GRIN2B: variants seen among roughly 807,000 people sequenced by gnomAD.
GRIN2B encodes the protein glutamate ionotropic receptor NMDA type subunit 2B, also known as glutamate receptor ionotropic, NMDA 2B.
A neutral mutation model predicts 114.5 loss-of-function variants in GRIN2B; 5 were observed. The observed-to-expected ratio is 0.04, with a 90% CI of 0.02 to 0.09. The LOEUF is 0.09. Ranked by LOEUF, GRIN2B falls within the 10% of genes least tolerant of loss-of-function variation. The pLI is 1.00. For synonymous variants in GRIN2B, 787 were observed against 745.1 expected (o/e 1.06, Z -0.92); for missense variants, 1,108 against 1,943.5 (o/e 0.57, Z 8.08).
intron 2 of GRIN2B, among the ~76,000 whole-genome samples, chr12:13,965,557 C>CCA (rs138577851): frequency 0.25 from 38,227 of 150,020 alleles, 5,078 homozygotes; most frequent in Non-Finnish European, 0.3. Context: ...AGATTACACA[C>CCA]CACACACACA....
intron 2 of GRIN2B, among the ~76,000 whole-genome samples, chr12:13,890,666 T>G (rs1866244107): frequency 6.6e-6 from 1 of 152,134 alleles, no homozygotes; most frequent in South Asian, 2.1e-4. Context: ...CAGTATGGGA[T>G]TATATGTTTC....
At chr12:13,834,197 A>ATTTTTTTTTTTTTTTTTTTTTTTTTTTT (rs756189402) in intron 3 of GRIN2B, among the ~76,000 whole-genome samples, 1 of 111,522 alleles carries the variant, frequency 9.0e-6, no homozygotes, top group African/African-American at 3.6e-5. Flanking sequence ...CGCCTGGCTA[A>ATTTTTTTTTTTTTTTTTTTTTTTTTTTT]TTTTTTTTTT....
chr12:13,769,369 CT>C (rs1205351243), intron 3 of GRIN2B, among the ~76,000 whole-genome samples: 1 of 151,910 alleles, frequency 6.6e-6, no homozygotes, highest in South Asian at 2.1e-4. Flanking sequence ...TCAAGTGTGG[CT>C]TTTTTTTGTC....
chr12:13,692,167 T>A (rs1950219940), intron 4 of GRIN2B, among the ~76,000 whole-genome samples: 1 of 152,146 alleles, frequency 6.6e-6, no homozygotes, highest in African/African-American at 2.4e-5. Flanking sequence ...AGAAGGAATA[T>A]ACTTTTTTAT....
chr12:13,677,081 T>G (rs1262052940), intron 4 of GRIN2B, among the ~76,000 whole-genome samples: 1 of 152,196 alleles, frequency 6.6e-6, no homozygotes, highest in Non-Finnish European at 1.5e-5. Context: ...ACTGCATTAG[T>G]GCAACTGCAC....
Position 13,675,740 on chromosome 12 carries a change from C to A in GRIN2B, c.1125+5G>T. The stretch of plus-strand genomic sequence containing the variant: ...TGCTCAAGAATTGTCAAAGACATGT[C>A]TTACCCTTTCCCACTTCCTCTCCTT... On this transcript the variant is annotated splice_donor_5th_base_variant and intron_variant, in intron 5 of 13. Coordinates refer to ENST00000609686, the MANE Select transcript of GRIN2B (RefSeq NM_000834.5). 2 of 1,549,282 alleles carry A rather than the reference C, an allele frequency of 1.3e-6. No individual in the cohort carries two copies. The highest frequency in any genetic ancestry group is 1.8e-6 in the Non-Finnish European group (2 of 1,121,016).
chr12:13,893,367 A>AAACTAATACTTCCAAAAAAG (rs1866296776), intron 2 of GRIN2B, among the ~76,000 whole-genome samples: 1 of 152,154 alleles, frequency 6.6e-6, no homozygotes, highest in Admixed American at 6.6e-5. Context: ...AAAACATTAA[A>AAACTAATACTTCCAAAAAAG]AACTAATACT....
intron 10 of GRIN2B, among the ~76,000 whole-genome samples, chr12:13,583,509 A>C (rs1470933497): frequency 6.6e-6 from 1 of 152,266 alleles, no homozygotes; most frequent in African/African-American, 2.4e-5. Flanking sequence ...CTATGCAAAT[A>C]GAATGGATGC....
At chr12:13,628,895 G>C (rs1305654148) in intron 5 of GRIN2B, among the ~76,000 whole-genome samples, 5 of 152,200 alleles carry the variant, frequency 3.3e-5, no homozygotes, top group Non-Finnish European at 5.9e-5. Context: ...ACATAAGGTT[G>C]TGAATACATA....
chr12:13,608,987 A>C (rs1386064399), intron 9 of GRIN2B, among the ~76,000 whole-genome samples, 155 bp from the exon 10 acceptor site: 1 of 152,162 alleles, frequency 6.6e-6, no homozygotes, highest in Non-Finnish European at 1.5e-5. Flanking sequence ...GAGAGTGTGT[A>C]TCTCTCTTTT....
At chr12:13,698,750 C>T (rs1056944723) in intron 4 of GRIN2B, among the ~76,000 whole-genome samples, 19 of 152,230 alleles carry the variant, frequency 1.2e-4, no homozygotes, top group African/African-American at 4.6e-4. Context: ...TGGCACGATC[C>T]TGGCTCACTG....
chr12:13,752,903 C>A (rs992380399), intron 4 of GRIN2B, among the ~76,000 whole-genome samples: 1 of 152,142 alleles, frequency 6.6e-6, no homozygotes, highest in South Asian at 2.1e-4. Flanking sequence ...TCTTTCTTTG[C>A]GATCAAGTAG....
intron 10 of GRIN2B, among the ~76,000 whole-genome samples, chr12:13,588,802 A>ACCACC (rs1948967055): frequency 6.6e-6 from 1 of 152,324 alleles, no homozygotes; most frequent in East Asian, 1.9e-4. Context: ...AGGGCTTCTG[A>ACCACC]CCACCGTGTG....
chr12:13,835,913 TGAA>T (rs887834569), intron 3 of GRIN2B, among the ~76,000 whole-genome samples: 2 of 151,816 alleles, frequency 1.3e-5, no homozygotes, highest in Admixed American at 6.6e-5. Context: ...AGTTCAACTA[TGAA>T]GAAGAAGAAA....
chr12:13,865,647 A>AG (rs961538035), intron 3 of GRIN2B, 151 bp downstream of exon 3: 45 of 755,794 alleles, frequency 6.0e-5, no homozygotes, highest in Middle Eastern at 3.7e-4. Flanking sequence ...AGAGAGAGAG[A>AG]AAAAAAAAGG....
At position 13,626,820 on chromosome 12, in the gene GRIN2B, A is replaced by G. The variant is rs909958908; in HGVS notation, c.1126-10163T>C. 6.6e-4 allele frequency among the ~76,000 whole-genome samples: 26 copies of G among 39,180 alleles called. 1 individual carries two copies. Among genetic ancestry groups the G allele is most frequent in the African/African-American group, 2.5e-3 (25 of 9,892 alleles). The allele number at this position is 39,180 out of a possible 152,430, so 25.7% of individuals were successfully genotyped here. On this transcript the variant is annotated intron_variant, in intron 5 of 13. Transcript: ENST00000609686. ...GACTCACTCTCCCCCCCTCCCCCCC[A>G]CCCTCCCCCCTCCCCCCTCACCATA... is the stretch of plus-strand genomic sequence containing the variant.
intron 4 of GRIN2B, among the ~76,000 whole-genome samples, chr12:13,751,424 T>C (rs111403500): frequency 1.6e-4 from 24 of 152,194 alleles, no homozygotes; most frequent in African/African-American, 5.3e-4. Context: ...TAGTAATGCA[T>C]GTGAGAAAAA....
chr12:13,564,525 C>A lies in GRIN2B; in HGVS notation c.2713G>T (p.Ala905Ser). 6.2e-7 allele frequency: 1 copy of A among 1,614,160 alleles called. No individual in the cohort carries two copies. The highest frequency in any genetic ancestry group is 8.5e-7 in the Non-Finnish European group (1 of 1,180,004). ...HSNILRLLRT[A>S]KNMANLSGVN... ...CCAGACAGGTTAGCCATGTTCTTGG[C>A]CGTGCGCAGCAGGCGCAGGATGTTG... Residue 905 changes from alanine (A) to serine (S), a missense_variant, in exon 14 of 14, where the codon GCC becomes TCC. Physicochemically the swap from Ala to Ser is moderately conservative, Grantham distance 99. This residue lies in a region of GRIN2B where 27 missense variants were observed against 51.7 expected (regional missense o/e 0.52). Transcript: ENST00000609686. The surrounding 1 kb of genome is among the most constrained non-coding windows in gnomAD (Gnocchi z 4.8).
intron 5 of GRIN2B, among the ~76,000 whole-genome samples, chr12:13,650,619 G>T (rs1949804492): frequency 6.6e-6 from 1 of 152,008 alleles, no homozygotes. Flanking sequence ...GGGGAAAAAA[G>T]TCCCACCTCA....
Sources: gnomAD v4.1 joint callset for allele counts (sites outside exome capture counted in the v4.1 genomes callset) on GRCh38, gnomAD v4.1.1 for gene constraint, gnomAD v4.1.1 regional missense constraint, Gnocchi (gnomAD v3.1) non-coding constraint, MANE v1.5 for transcripts, NCBI Gene and HGNC (gene_info 2026-07-23, HGNC 2026-07-21) for gene names.